The following LHFPL6 variants were observed in gnomAD, a reference collection of about 807,000 sequenced individuals.
LHFPL6 encodes the protein LHFPL tetraspan subfamily member 6, also known as LHFPL tetraspan subfamily member 6 protein.
A neutral mutation model predicts 20.6 loss-of-function variants in LHFPL6; 9 were observed. The ratio of observed to expected loss-of-function variants is 0.44; its 90% CI spans 0.26 to 0.76. The LOEUF (loss-of-function observed/expected upper bound fraction) is 0.76. LHFPL6 is among the 30% of genes least tolerant of loss of function. The probability of loss-of-function intolerance (pLI) is 0.20; values close to 1 mark genes in which losing one functional copy is unlikely to be tolerated. For synonymous variants in LHFPL6, 105 were observed against 98.7 expected, an observed-to-expected ratio of 1.06 and a Z score of -0.38; for missense variants, 218 against 253.5, an observed-to-expected ratio of 0.86 and a Z score of 0.95.
At chr13:39,443,119 G>A (rs563026616) in intron 2 of LHFPL6, among the ~76,000 whole-genome samples, 29 of 152,258 alleles carry the variant, frequency 1.9e-4, no homozygotes, top group Middle Eastern at 6.8e-3. Context: ...TCTCATAAAT[G>A]CATTAACAAT....
chr13:39,397,038 G>C (rs1265058094), intron 2 of LHFPL6, among the ~76,000 whole-genome samples: 1 of 152,050 alleles, frequency 6.6e-6, no homozygotes, highest in Non-Finnish European at 1.5e-5. Context: ...GTTGTTTTAA[G>C]CCTCATGATT....
chr13:39,593,068 G>A (rs1430281172), intron 2 of LHFPL6, among the ~76,000 whole-genome samples: 2 of 152,156 alleles, frequency 1.3e-5, no homozygotes, highest in Admixed American at 6.6e-5. Context: ...GCACAAGACA[G>A]GGATGCCCTC....
intron 2 of LHFPL6, among the ~76,000 whole-genome samples, chr13:39,484,189 C>A (rs560681593): frequency 2.0e-5 from 3 of 152,294 alleles, no homozygotes; most frequent in Admixed American, 2.0e-4. Flanking sequence ...CAACTGCCTA[C>A]AAAAGCACTT....
Position 39,356,881 on chromosome 13 carries a change from C to T in LHFPL6, c.485-12827G>A, listed in dbSNP as rs149450942. ...ATTGAATCAGAAACTTAAAAAGCTACCAATCAGGCTGGGCATGGTGGCTTG... is the reference window on the plus strand; with the variant it reads ...ATTGAATCAGAAACTTAAAAAGCTATCAATCAGGCTGGGCATGGTGGCTTG... On this transcript the variant is annotated intron_variant, in intron 3 of 3. Transcript: ENST00000379589. Among the ~76,000 whole-genome samples, 27 of 152,308 alleles carry T rather than the reference C, an allele frequency of 1.8e-4. 1 individual carries two copies. The East Asian group carries it at 4.2e-3, about 24-fold the overall frequency.
chr13:39,371,037 G>A (rs75769911), intron 3 of LHFPL6, among the ~76,000 whole-genome samples: 7,908 of 152,250 alleles, frequency 0.052, 355 homozygotes, highest in African/African-American at 0.12. Flanking sequence ...ATGTGGGACA[G>A]TCAGTGTTCA....
At chr13:39,484,615 A>G (rs1331086214) in intron 2 of LHFPL6, among the ~76,000 whole-genome samples, 11 of 152,102 alleles carry the variant, frequency 7.2e-5, no homozygotes, top group Non-Finnish European at 1.5e-4. Context: ...AATCCTTTCC[A>G]TTAATGAGAA....
At chr13:39,574,191 T>C (rs1872026881) in intron 2 of LHFPL6, among the ~76,000 whole-genome samples, 1 of 152,132 alleles carries the variant, frequency 6.6e-6, no homozygotes, top group African/African-American at 2.4e-5. Context: ...ATAGTAAAGA[T>C]TACAAACAAG....
rs546083314 is a variant in LHFPL6 at position 39,460,636 on chromosome 13, G to A, written c.386-82110C>T. Among the ~76,000 whole-genome samples the A allele has an allele frequency of 5.9e-5, 9 of 152,312 alleles. No individual in the cohort carries two copies. In the Middle Eastern group the frequency reaches 0.014, roughly 230 times the overall value. ...GACAAAACAAATGCAAACAGTGTTG[G>A]CTATTTTGAGAGTCATGCTCCTTAA... On this transcript the variant is annotated intron_variant, in intron 2 of 3. Coordinates refer to ENST00000379589, the MANE Select transcript of LHFPL6 (RefSeq NM_005780.3).
intron 2 of LHFPL6, among the ~76,000 whole-genome samples, chr13:39,469,088 CAA>C (rs1872878504): frequency 6.6e-6 from 1 of 152,144 alleles, no homozygotes; most frequent in Non-Finnish European, 1.5e-5. Context: ...CACCAGTCAC[CAA>C]AGCAAGACAC....
intron 2 of LHFPL6, among the ~76,000 whole-genome samples, chr13:39,457,793 T>C (rs1872605217): frequency 6.6e-6 from 1 of 152,190 alleles, no homozygotes; most frequent in African/African-American, 2.4e-5. Context: ...ATAGGTGAAT[T>C]GTATTGTATA....
At chr13:39,465,795 A>G (rs10492736) in intron 2 of LHFPL6, among the ~76,000 whole-genome samples, 23,687 of 152,068 alleles carry the variant, frequency 0.16, 3,441 homozygotes, top group East Asian at 0.51. Context: ...TTGAATGAAC[A>G]TGAAGAAAAC....
chr13:39,442,342 GTA>G (rs1419694834), intron 2 of LHFPL6, among the ~76,000 whole-genome samples: 1 of 152,198 alleles, frequency 6.6e-6, no homozygotes, highest in Non-Finnish European at 1.5e-5. Context: ...AAGTTTTTCA[GTA>G]TAAGAAGCTC....
chr13:39,398,902 A>T lies in LHFPL6; in HGVS notation c.386-20376T>A, dbSNP rs1870911868. 2.0e-5 allele frequency among the ~76,000 whole-genome samples: 3 copies of T among 152,266 alleles called. 1 individual carries two copies. The South Asian group carries it at 6.2e-4, about 32-fold the overall frequency. ...TGAGATGGAACAATTTCATCCCCAA[A>T]CCATCCTCACTACACCCTCCTGTCC... On this transcript the variant is annotated intron_variant, in intron 2 of 3. Transcript: ENST00000379589.
intron 3 of LHFPL6, among the ~76,000 whole-genome samples, chr13:39,353,603 C>T (rs1001403901): frequency 3.9e-5 from 6 of 152,006 alleles, no homozygotes; most frequent in African/African-American, 1.4e-4. Flanking sequence ...TGTCATGCGC[C>T]TGTAGTCCCA....
intron 2 of LHFPL6, among the ~76,000 whole-genome samples, chr13:39,402,645 C>G (rs1397869898): frequency 6.6e-6 from 1 of 152,190 alleles, no homozygotes; most frequent in Non-Finnish European, 1.5e-5. Flanking sequence ...CAGGCTCCAT[C>G]TGTAACATAA....
intron 2 of LHFPL6, among the ~76,000 whole-genome samples, chr13:39,459,222 GT>G (rs1872638406): frequency 6.6e-6 from 1 of 151,372 alleles, no homozygotes; most frequent in Non-Finnish European, 1.5e-5. Flanking sequence ...GTGTGTGTGT[GT>G]GTGTGTGTGT....
chr13:39,415,400 C>T (rs1160700945), intron 2 of LHFPL6, among the ~76,000 whole-genome samples: 1 of 151,838 alleles, frequency 6.6e-6, no homozygotes, highest in Non-Finnish European at 1.5e-5. Flanking sequence ...TATGCACATG[C>T]ATGTGTATGC....
intron 2 of LHFPL6, among the ~76,000 whole-genome samples, chr13:39,575,821 T>C (rs773956241): frequency 2.6e-5 from 4 of 152,212 alleles, no homozygotes; most frequent in Non-Finnish European, 4.4e-5. Context: ...ACAGCCCTGG[T>C]GCAGACTCTA....
chr13:39,454,780 T>C (rs1314619369), intron 2 of LHFPL6, among the ~76,000 whole-genome samples: 1 of 152,214 alleles, frequency 6.6e-6, no homozygotes, highest in Non-Finnish European at 1.5e-5. Context: ...CTTTTGTGGA[T>C]AGAATGAATT....
Sources: gnomAD v4.1 joint callset for allele counts (sites outside exome capture counted in the v4.1 genomes callset) on GRCh38, gnomAD v4.1.1 for gene constraint, MANE v1.5 for transcripts, NCBI Gene and HGNC (gene_info 2026-07-23, HGNC 2026-07-21) for gene names.